SLC35F1: variants seen among roughly 807,000 people sequenced by gnomAD.
The protein encoded by SLC35F1 is solute carrier family 35 member F1.
SLC35F1 carries 14 observed loss-of-function variants against 48.7 expected under a neutral mutation model. The observed-to-expected ratio is 0.29, with a 90% confidence interval of 0.19 to 0.45. SLC35F1 has a LOEUF of 0.45. SLC35F1 is among the 20% of genes least tolerant of loss of function. SLC35F1 has a pLI of 1.00. For missense variants in SLC35F1, 404 were observed against 500.0 expected (o/e 0.81, Z 1.83); for synonymous variants, 190 against 202.2 (o/e 0.94, Z 0.51).
chr6:118,281,244 TAGG>T (rs1181139614), intron 6 of SLC35F1, among the ~76,000 whole-genome samples: 2 of 150,128 alleles, frequency 1.3e-5, no homozygotes, highest in African/African-American at 4.9e-5. Flanking sequence ...GAGGTATTGA[TAGG>T]AGTCAAATAG....
At chr6:118,214,802 G>A (rs1775050803) in intron 2 of SLC35F1, among the ~76,000 whole-genome samples, 1 of 152,152 alleles carries the variant, frequency 6.6e-6, no homozygotes, top group Admixed American at 6.5e-5. Context: ...AGAATAGTAA[G>A]CCGAACACTG....
chr6:118,292,483 C>A (rs544426696), intron 7 of SLC35F1, among the ~76,000 whole-genome samples: 1 of 152,150 alleles, frequency 6.6e-6, no homozygotes, highest in Non-Finnish European at 1.5e-5. Context: ...GACCTAGTAA[C>A]CTCTGAGAGC....
chr6:118,213,880 A>G (rs1170956239), intron 2 of SLC35F1, among the ~76,000 whole-genome samples: 1 of 152,236 alleles, frequency 6.6e-6, no homozygotes, highest in African/African-American at 2.4e-5. Flanking sequence ...ATAGGAGGAA[A>G]TAGTACTGGA....
At chr6:118,277,386 T>A in intron 5 of SLC35F1, 108 bp from the exon 6 acceptor site, 1 of 975,428 alleles carries the variant, frequency 1.0e-6, no homozygotes, top group Non-Finnish European at 1.6e-6. Context: ...ATTCATCTGG[T>A]TGCTTCATTA....
intron 1 of SLC35F1, among the ~76,000 whole-genome samples, chr6:118,115,082 C>A (rs982500411): frequency 2.6e-5 from 4 of 152,168 alleles, no homozygotes; most frequent in Admixed American, 2.6e-4. Flanking sequence ...TACAGAGACA[C>A]AACTTTGTTT....
chr6:117,911,460 G>C, intron 1 of SLC35F1, among the ~76,000 whole-genome samples: 1 of 133,922 alleles, frequency 7.5e-6, no homozygotes, highest in African/African-American at 2.9e-5. Flanking sequence ...CCTTCTGGCA[G>C]GATCTTGGTC....
chr6:118,032,849 C>G (rs1194362517), intron 1 of SLC35F1, among the ~76,000 whole-genome samples: 3 of 151,994 alleles, frequency 2.0e-5, no homozygotes, highest in African/African-American at 7.2e-5. Flanking sequence ...TTTTTTCTAT[C>G]TATATTTTAG....
chr6:118,201,631 A>T (rs1041810527), intron 2 of SLC35F1, among the ~76,000 whole-genome samples: 1 of 152,232 alleles, frequency 6.6e-6, no homozygotes, highest in African/African-American at 2.4e-5. Context: ...AGATATAATT[A>T]ACATACCATT....
At chr6:118,296,262 A>G (rs1390141627) in intron 7 of SLC35F1, among the ~76,000 whole-genome samples, 6 of 152,208 alleles carry the variant, frequency 3.9e-5, no homozygotes, top group African/African-American at 1.2e-4. Context: ...AATAGTTACT[A>G]CTGTCTAGCT....
chr6:118,021,648 T>C (rs1777396790), intron 1 of SLC35F1, among the ~76,000 whole-genome samples: 1 of 152,234 alleles, frequency 6.6e-6, no homozygotes, highest in East Asian at 1.9e-4. Flanking sequence ...TTTATGCCCA[T>C]GGAATTCTGC....
chr6:117,923,646 C>CATATATACATATACAT (rs1178826026), intron 1 of SLC35F1, among the ~76,000 whole-genome samples: 8 of 102,016 alleles, frequency 7.8e-5, no homozygotes, highest in Non-Finnish European at 1.3e-4. Context: ...TACATATGTA[C>CATATATACATATACAT]ATATGTACAT....
chr6:117,992,485 A>G (rs952731920), intron 1 of SLC35F1, among the ~76,000 whole-genome samples: 2 of 152,092 alleles, frequency 1.3e-5, no homozygotes, highest in African/African-American at 4.8e-5. Context: ...TCTCTCAGTT[A>G]TCATTTGATA....
intron 2 of SLC35F1, among the ~76,000 whole-genome samples, chr6:118,189,800 C>CA (rs1562319892): frequency 6.6e-6 from 1 of 152,042 alleles, no homozygotes; most frequent in African/African-American, 2.4e-5. Flanking sequence ...AATTTATAGA[C>CA]AAAAAAAGTA....
At position 118,129,816 on chromosome 6, in the gene SLC35F1, C is replaced by T. The variant is rs200911751; in HGVS notation, c.174-24629C>T. Reference sequence around the variant, plus strand: ...TTTAAGAGATGATTTACATATAATACATTTAAACATAGAATCCTATACTGT... The same window carrying T: ...TTTAAGAGATGATTTACATATAATATATTTAAACATAGAATCCTATACTGT... On this transcript the variant is annotated intron_variant, in intron 1 of 7. Transcript: ENST00000360388. Among the ~76,000 whole-genome samples, 5 of 152,126 alleles carry T rather than the reference C, an allele frequency of 3.3e-5. No individual in the cohort carries two copies. In the East Asian group the frequency reaches 7.7e-4, roughly 23 times the overall value.
chr6:117,968,072 GA>G (rs1418213439), intron 1 of SLC35F1, among the ~76,000 whole-genome samples: 1 of 152,084 alleles, frequency 6.6e-6, no homozygotes, highest in Non-Finnish European at 1.5e-5. Context: ...GTGTTTATGT[GA>G]ATTGTATTTG....
At chr6:118,237,869 A>T (rs2114586645) in intron 3 of SLC35F1, among the ~76,000 whole-genome samples, 1 of 152,356 alleles carries the variant, frequency 6.6e-6, no homozygotes, top group Non-Finnish European at 1.5e-5. Context: ...GTAATTTTGA[A>T]GTCTTATTGT....
chr6:118,214,186 C>T (rs1015597511), intron 2 of SLC35F1, among the ~76,000 whole-genome samples: 4 of 152,074 alleles, frequency 2.6e-5, no homozygotes, highest in Admixed American at 1.3e-4. Context: ...TAGTAAGCAA[C>T]AAAAATGTAT....
In SLC35F1 at chr6:118,177,571, G is replaced by A. The variant is rs373543836; in HGVS notation, c.349+22951G>A. 9.9e-5 allele frequency among the ~76,000 whole-genome samples: 15 copies of A among 152,034 alleles called. No homozygotes were observed. The East Asian group carries it at 1.9e-3, about 20-fold the overall frequency. ...TTGAGGAAATGCCAGAACCTTGGGCGGGGACTGATCTCTGTTCTAGTGTGG... is the reference window on the plus strand; with the variant it reads ...TTGAGGAAATGCCAGAACCTTGGGCAGGGACTGATCTCTGTTCTAGTGTGG... On this transcript the variant is annotated intron_variant, in intron 2 of 7. Transcript: ENST00000360388.
chr6:118,293,543 A>G (rs1434835472), intron 7 of SLC35F1, among the ~76,000 whole-genome samples: 2 of 152,198 alleles, frequency 1.3e-5, no homozygotes, highest in Non-Finnish European at 2.9e-5. Flanking sequence ...ATAAAGTAAT[A>G]TATTCACAGG....
Sources: allele counts gnomAD v4.1 joint callset (sites outside exome capture counted in the v4.1 genomes callset), GRCh38; gene constraint gnomAD v4.1.1; transcripts MANE v1.5; gene names NCBI Gene and HGNC (gene_info 2026-07-23, HGNC 2026-07-21).